TOX3: variants seen among roughly 807,000 people sequenced by gnomAD.
TOX3 encodes CAG trinucleotide repeat-containing gene F9 protein.
TOX3 carries 22 observed loss-of-function variants against 64.3 expected under a neutral mutation model. The ratio of observed to expected loss-of-function variants is 0.34; its 90% CI spans 0.24 to 0.49. TOX3 has a LOEUF of 0.49. Among genes scored for constraint, TOX3 ranks in the 20% least tolerant of loss-of-function variants. TOX3 has a pLI of 0.99. For synonymous variants in TOX3, 291 were observed against 273.6 expected, an observed-to-expected ratio of 1.06 and a Z score of -0.63; for missense variants, 661 against 714.4, an observed-to-expected ratio of 0.93 and a Z score of 0.85.
chr16:52,500,586 T>C (rs893595393), intron 1 of TOX3, among the ~76,000 whole-genome samples: 5 of 152,224 alleles, frequency 3.3e-5, no homozygotes, highest in African/African-American at 1.2e-4. Flanking sequence ...CCAACTATTG[T>C]CACTGCATTT....
chr16:52,499,112 T>C (rs1484542388), intron 1 of TOX3, among the ~76,000 whole-genome samples: 1 of 152,190 alleles, frequency 6.6e-6, no homozygotes, highest in Non-Finnish European at 1.5e-5. Context: ...AATATAAAAT[T>C]GCTATTATAA....
At chr16:52,530,497 C>G (rs1009870736) in intron 1 of TOX3, among the ~76,000 whole-genome samples, 1 of 152,000 alleles carries the variant, frequency 6.6e-6, no homozygotes, top group South Asian at 2.1e-4. Context: ...CCACCACGCC[C>G]GGCTACTTTT....
intron 1 of TOX3, among the ~76,000 whole-genome samples, chr16:52,488,792 C>T (rs2151455496): frequency 6.6e-6 from 1 of 152,266 alleles, no homozygotes; most frequent in South Asian, 2.1e-4. Flanking sequence ...TACAGATACA[C>T]ACACGATTAA....
Position 52,450,555 on chromosome 16 carries a change from G to T in TOX3, c.409-9C>A, listed in dbSNP as rs1231423595. On this transcript the variant is annotated splice_polypyrimidine_tract_variant and intron_variant, in intron 3 of 6. Coordinates refer to ENST00000219746, the MANE Select transcript of TOX3 (RefSeq NM_001080430.4). ...TGTGTGTGGCTCTGATCCTAGAAAG[G>T]CAGCAACAAAGGGGGAAAATATTTC... is the stretch of plus-strand genomic sequence containing the variant. The T allele has an allele frequency of 1.9e-6, 3 of 1,613,398 alleles. No individual in the cohort carries two copies. The highest frequency in any genetic ancestry group is 2.5e-6 in the Non-Finnish European group (3 of 1,179,426).
chr16:52,440,160 T>TCTGGGCTGCTCTTGTGC, intron 6 of TOX3, among the ~76,000 whole-genome samples, 192 bp from the exon 7 acceptor site: 1 of 152,174 alleles, frequency 6.6e-6, no homozygotes, highest in Non-Finnish European at 1.5e-5. Flanking sequence ...CCTCCTTGAG[T>TCTGGGCTGCTCTTGTGC]CTGGGCTGCT....
chr16:52,486,247 A>T (rs2151453564), intron 1 of TOX3, among the ~76,000 whole-genome samples: 1 of 152,292 alleles, frequency 6.6e-6, no homozygotes, highest in African/African-American at 2.4e-5. Context: ...ACGGATCCCA[A>T]AAAGGAGCCT....
At chr16:52,513,523 A>C (rs543656282) in intron 1 of TOX3, among the ~76,000 whole-genome samples, 2 of 152,350 alleles carry the variant, frequency 1.3e-5, no homozygotes, top group African/African-American at 4.8e-5. Flanking sequence ...TATAGTTAAC[A>C]TGGGATAATA....
intron 1 of TOX3, among the ~76,000 whole-genome samples, chr16:52,500,285 G>A (rs1310548210): frequency 6.6e-6 from 1 of 152,188 alleles, no homozygotes; most frequent in Non-Finnish European, 1.5e-5. Context: ...AAAAACCAAA[G>A]AGTATGTAAA....
At chr16:52,503,692 G>C (rs1962069300) in intron 1 of TOX3, among the ~76,000 whole-genome samples, 1 of 152,076 alleles carries the variant, frequency 6.6e-6, no homozygotes, top group Non-Finnish European at 1.5e-5. Context: ...TATAGAACTT[G>C]TTATTCTCCA....
chr16:52,447,075 G>T (rs889994445), intron 4 of TOX3, among the ~76,000 whole-genome samples: 1 of 152,126 alleles, frequency 6.6e-6, no homozygotes, highest in Non-Finnish European at 1.5e-5. Flanking sequence ...ACTGATATGG[G>T]TATAGTTTCC....
At chr16:52,541,764 T>C (rs758237174) in intron 1 of TOX3, among the ~76,000 whole-genome samples, 1 of 152,236 alleles carries the variant, frequency 6.6e-6, no homozygotes, top group Non-Finnish European at 1.5e-5. Context: ...TGCTAGTCTC[T>C]ACTGAGCACA....
intron 6 of TOX3, among the ~76,000 whole-genome samples, 199 bp downstream of exon 6, chr16:52,444,077 T>G (rs140339947): frequency 6.6e-6 from 1 of 152,264 alleles, no homozygotes; most frequent in East Asian, 1.9e-4. Flanking sequence ...CAGAAACAAC[T>G]TAGACTCAGC....
intron 3 of TOX3, among the ~76,000 whole-genome samples, chr16:52,461,548 G>C (rs992383880): frequency 6.6e-6 from 1 of 152,032 alleles, no homozygotes; most frequent in African/African-American, 2.4e-5. Flanking sequence ...TCTTTCTAAA[G>C]GAAAACCGAT....
intron 1 of TOX3, among the ~76,000 whole-genome samples, chr16:52,534,057 G>T (rs1962901072): frequency 6.6e-6 from 1 of 152,128 alleles, no homozygotes; most frequent in Non-Finnish European, 1.5e-5. Context: ...TAAAATGAGG[G>T]TAGGTTGGTT....
intron 1 of TOX3, among the ~76,000 whole-genome samples, chr16:52,509,541 A>T (rs1450002043): frequency 6.6e-6 from 1 of 152,210 alleles, no homozygotes; most frequent in Non-Finnish European, 1.5e-5. Flanking sequence ...AAAACACATA[A>T]GCCATTTTTT....
intron 5 of TOX3, 59 bp downstream of exon 5, chr16:52,445,935 G>C: frequency 6.7e-7 from 1 of 1,487,536 alleles, no homozygotes; most frequent in South Asian, 1.2e-5. Flanking sequence ...AAAGGTGTGA[G>C]GAATATTTTA....
In TOX3 at chr16:52,439,314, C is replaced by A. The variant is rs751004511; in HGVS notation, c.1642G>T (p.Gly548Trp). ...TGCTGAGAGGCTGGCTGGGGGCTCC[C>A]GATGGCAGGGATGGGGGATGTTATC... ...SQITSPIPAI[G>W]SPQPASQQHQ... Residue 548 changes from glycine to tryptophan, a missense_variant, in exon 7 of 7, where the codon GGG (glycine) becomes TGG (tryptophan). Gly to Trp is a radical substitution (Grantham distance 184). Around this residue, in one of 3 missense-constraint regions of TOX3, gnomAD observed 299 missense variants for 292.1 expected, o/e 1.02. Coordinates refer to ENST00000219746, the MANE Select transcript of TOX3 (RefSeq NM_001080430.4). The A allele has an allele frequency of 2.5e-6, 4 of 1,613,414 alleles. No homozygotes were observed. Among genetic ancestry groups the A allele is most frequent in the Non-Finnish European group, 3.4e-6 (4 of 1,179,596 alleles).
intron 4 of TOX3, among the ~76,000 whole-genome samples, chr16:52,448,028 G>A (rs1420541): frequency 0.31 from 47,081 of 151,822 alleles, 7,829 homozygotes; most frequent in Non-Finnish European, 0.37. Context: ...CACCTTTGAC[G>A]CCTTTCTTGG....
intron 1 of TOX3, among the ~76,000 whole-genome samples, chr16:52,474,318 C>T (rs73583153): frequency 0.019 from 2,875 of 152,262 alleles, 99 homozygotes; most frequent in African/African-American, 0.065. Context: ...TCCATTTCCT[C>T]CTGGACCTCT....
Sources: gnomAD v4.1 joint callset for allele counts (sites outside exome capture counted in the v4.1 genomes callset) on GRCh38, gnomAD v4.1.1 for gene constraint, gnomAD v4.1.1 regional missense constraint, MANE v1.5 for transcripts, NCBI Gene and HGNC (gene_info 2026-07-23, HGNC 2026-07-21) for gene names.